The following CERS3 variants were observed in gnomAD, a reference collection of about 807,000 sequenced individuals.
The protein encoded by CERS3 is ceramide synthase 3.
Under a neutral mutation model 50.3 loss-of-function variants are expected in CERS3, and 33 were observed. The ratio of observed to expected loss-of-function variants is 0.66; its 90% CI spans 0.50 to 0.88. The LOEUF (loss-of-function observed/expected upper bound fraction) is 0.88, where lower values mean the gene tolerates loss of function less well. Among genes scored for constraint, CERS3 ranks in the 40% least tolerant of loss-of-function variants. The pLI, the probability that CERS3 is intolerant of heterozygous loss-of-function variation, is 0.00. For synonymous variants in CERS3, 176 were observed against 155.2 expected, an observed-to-expected ratio of 1.13 and a Z score of -0.99; for missense variants, 470 against 460.3, an observed-to-expected ratio of 1.02 and a Z score of -0.19.
intron 2 of CERS3, among the ~76,000 whole-genome samples, chr15:100,507,912 A>G (rs2036230530): frequency 6.6e-6 from 1 of 152,202 alleles, no homozygotes; most frequent in Non-Finnish European, 1.5e-5. Context: ...CTTGGTTTCC[A>G]CTGTCATCCA....
At chr15:100,489,523 G>A (rs1463901220) in intron 4 of CERS3, among the ~76,000 whole-genome samples, 3 of 152,130 alleles carry the variant, frequency 2.0e-5, no homozygotes, top group East Asian at 1.9e-4. Flanking sequence ...GGATAGCAAC[G>A]AATTGGTATT....
chr15:100,468,165 T>C lies in CERS3; in HGVS notation c.845+1213A>G, dbSNP rs576469015. Among the ~76,000 whole-genome samples the C allele has an allele frequency of 5.3e-5, 8 of 152,328 alleles. No individual in the cohort carries two copies. The South Asian group carries it at 6.2e-4, about 12-fold the overall frequency. ...TCAAATTCTGAGATACTCATTAATA[T>C]GTTTAATTATAGTAGGTAGTATTTA... On this transcript the variant is annotated intron_variant, in intron 10 of 11. Transcript: ENST00000679737.
At chr15:100,500,696 G>A (rs187734130) in intron 3 of CERS3, among the ~76,000 whole-genome samples, 1 of 152,322 alleles carries the variant, frequency 6.6e-6, no homozygotes, top group East Asian at 1.9e-4. Flanking sequence ...CTCAGCCAGG[G>A]TTTAGTGGTT....
intron 1 of CERS3, among the ~76,000 whole-genome samples, chr15:100,524,210 A>G (rs909236114): frequency 6.6e-6 from 1 of 152,224 alleles, no homozygotes; most frequent in African/African-American, 2.4e-5. Flanking sequence ...TGAAATAGAA[A>G]ACAATACCTA....
intron 11 of CERS3, among the ~76,000 whole-genome samples, chr15:100,416,948 A>G (rs1288301509): frequency 6.6e-6 from 1 of 152,258 alleles, no homozygotes; most frequent in Non-Finnish European, 1.5e-5. Flanking sequence ...GAAAACGTAC[A>G]TGCAGCCAAC....
rs772227625 is a variant in CERS3, at chr15:100,501,763, A to G, written c.87T>C (p.Asp29=). Residue 29 remains aspartate (D), a synonymous_variant, in exon 3 of 12, where the codon GAT becomes GAC. Transcript: ENST00000679737. ...TIKWSDLEDH[D]GLVFVKPSHL... is the part of the protein sequence containing the mutation. Reference sequence around the variant, plus strand: ...GAGAAGGTTTTACAAAGACGAGTCCATCGTGATCCTCAAGATCTGACCACT... The same window carrying G: ...GAGAAGGTTTTACAAAGACGAGTCCGTCGTGATCCTCAAGATCTGACCACT... 4 of 1,614,154 alleles carry G rather than the reference A, an allele frequency of 2.5e-6. No individual in the cohort carries two copies. Among genetic ancestry groups the G allele is most frequent in the Non-Finnish European group, 3.4e-6 (4 of 1,179,954 alleles).
intron 11 of CERS3, among the ~76,000 whole-genome samples, chr15:100,451,169 C>G (rs2034147611): frequency 6.6e-6 from 1 of 151,478 alleles, no homozygotes. Context: ...TCAAATGTTA[C>G]CACTGCAGAA....
At chr15:100,507,664 G>C (rs908333942) in intron 2 of CERS3, among the ~76,000 whole-genome samples, 7 of 152,246 alleles carry the variant, frequency 4.6e-5, no homozygotes, top group African/African-American at 1.7e-4. Context: ...GCCACCAGGT[G>C]TGAAGTTGGT....
intron 11 of CERS3, among the ~76,000 whole-genome samples, chr15:100,416,589 G>C (rs1259035810): frequency 6.6e-6 from 1 of 152,204 alleles, no homozygotes; most frequent in Non-Finnish European, 1.5e-5. Context: ...CGTGGCATAA[G>C]GAGAAGCAAG....
At chr15:100,526,232 C>T (rs2036784237) in intron 1 of CERS3, among the ~76,000 whole-genome samples, 1 of 152,222 alleles carries the variant, frequency 6.6e-6, no homozygotes, top group South Asian at 2.1e-4. Flanking sequence ...TAAAGGTGTA[C>T]ACCTGCAGGT....
intron 11 of CERS3, among the ~76,000 whole-genome samples, chr15:100,442,809 C>T (rs1424455104): frequency 1.3e-5 from 2 of 152,330 alleles, no homozygotes; most frequent in South Asian, 2.1e-4. Context: ...ATCACGGACG[C>T]CGAGCTGCCA....
At chr15:100,442,638 C>T (rs921055119) in intron 11 of CERS3, among the ~76,000 whole-genome samples, 27 of 152,266 alleles carry the variant, frequency 1.8e-4, no homozygotes, top group Middle Eastern at 3.4e-3. Context: ...CCTGTCTATG[C>T]GGGACCCCAC....
intron 11 of CERS3, among the ~76,000 whole-genome samples, chr15:100,427,834 T>C (rs1695110467): frequency 6.6e-6 from 1 of 152,234 alleles, no homozygotes; most frequent in Non-Finnish European, 1.5e-5. Context: ...CTGTGCTTCC[T>C]GCCGAGAGAC....
chr15:100,404,506 T>C (rs1281103162), intron 11 of CERS3, among the ~76,000 whole-genome samples: 1 of 152,228 alleles, frequency 6.6e-6, no homozygotes, highest in Non-Finnish European at 1.5e-5. Flanking sequence ...CATACTATGT[T>C]CATGAATTGG....
At chr15:100,463,284 AATT>A (rs2034608579) in intron 10 of CERS3, among the ~76,000 whole-genome samples, 1 of 151,766 alleles carries the variant, frequency 6.6e-6, no homozygotes. Flanking sequence ...AAAATACAAA[AATT>A]AGCTGGGTGT....
intron 11 of CERS3, among the ~76,000 whole-genome samples, chr15:100,447,152 T>A (rs2033975317): frequency 6.6e-6 from 1 of 152,244 alleles, no homozygotes; most frequent in Non-Finnish European, 1.5e-5. Context: ...ATTAACAGTC[T>A]GGCACCTTTT....
intron 11 of CERS3, among the ~76,000 whole-genome samples, chr15:100,439,779 C>G (rs532129231): frequency 1.5e-4 from 23 of 152,208 alleles, no homozygotes; most frequent in African/African-American, 3.4e-4. Flanking sequence ...CTGTGGAAAA[C>G]AGAGTACACA....
intron 11 of CERS3, among the ~76,000 whole-genome samples, chr15:100,421,382 T>G (rs1415037753): frequency 2.6e-5 from 4 of 151,934 alleles, no homozygotes; most frequent in African/African-American, 4.8e-5. Context: ...ACAAGGGATG[T>G]GAAGGACCTC....
intron 2 of CERS3, among the ~76,000 whole-genome samples, chr15:100,503,070 C>A (rs2036060178): frequency 6.6e-6 from 1 of 152,184 alleles, no homozygotes; most frequent in Non-Finnish European, 1.5e-5. Context: ...AGGCTGTGAT[C>A]ATTTTGGACT....
Sources: gnomAD v4.1 joint callset for allele counts (sites outside exome capture counted in the v4.1 genomes callset) on GRCh38, gnomAD v4.1.1 for gene constraint, MANE v1.5 for transcripts, NCBI Gene and HGNC (gene_info 2026-07-23, HGNC 2026-07-21) for gene names.